Variants in SUGCT observed in about 807,000 individuals in gnomAD.
SUGCT encodes succinyl-CoA:glutarate CoA-transferase.
In SUGCT, 41 loss-of-function variants were observed where a neutral mutation model predicts 55.0. That is an observed-to-expected ratio of 0.74 (90% confidence interval 0.58 to 0.97). The LOEUF (loss-of-function observed/expected upper bound fraction) is 0.97, where lower values mean the gene tolerates loss of function less well. Among genes scored for constraint, SUGCT ranks in the 50% least tolerant of loss-of-function variants. The pLI is 0.00. For missense variants in SUGCT, 568 were observed against 547.8 expected, an observed-to-expected ratio of 1.04 and a Z score of -0.37; for synonymous variants, 187 against 200.4, an observed-to-expected ratio of 0.93 and a Z score of 0.56.
At chr7:40,922,818 T>C in the SUGCT span, among the ~76,000 whole-genome samples, 4 of 152,198 alleles carry the variant, frequency 2.6e-5, no homozygotes, top group African/African-American at 9.7e-5. Context: ...CCTTCAGACA[T>C]ATTTCTTTAC....
chr7:40,953,717 C>G, the SUGCT span, among the ~76,000 whole-genome samples: 1 of 152,224 alleles, frequency 6.6e-6, no homozygotes, highest in African/African-American at 2.4e-5. Flanking sequence ...TGGAGGTCCA[C>G]TCCAGACCCT....
intron 13 of SUGCT, among the ~76,000 whole-genome samples, chr7:40,795,430 T>C (rs1790503313): frequency 1.3e-5 from 2 of 152,110 alleles, no homozygotes; most frequent in Admixed American, 6.6e-5. Flanking sequence ...AAAGTTGGCT[T>C]CTCTCCTAAA....
the SUGCT span, among the ~76,000 whole-genome samples, chr7:40,922,281 G>A: frequency 6.6e-6 from 1 of 152,176 alleles, no homozygotes; most frequent in Non-Finnish European, 1.5e-5. Context: ...CAGGAAAGAG[G>A]TGATGTTGTT....
chr7:40,892,874 C>A, the SUGCT span, among the ~76,000 whole-genome samples: 510 of 152,224 alleles, frequency 3.4e-3, 3 homozygotes, highest in African/African-American at 0.012. Context: ...GACAGAATGG[C>A]TGAATAGATT....
intron 7 of SUGCT, among the ~76,000 whole-genome samples, chr7:40,244,180 A>G (rs1207580624): frequency 6.6e-6 from 1 of 152,186 alleles, no homozygotes; most frequent in African/African-American, 2.4e-5. Context: ...CTCAAAACAA[A>G]ACAAAATTAA....
the SUGCT span, among the ~76,000 whole-genome samples, chr7:40,981,757 T>C: frequency 2.0e-5 from 3 of 152,252 alleles, no homozygotes; most frequent in South Asian, 6.2e-4. Context: ...AACAAGGTTC[T>C]TTGCCATTTT....
At chr7:40,985,707 C>G in the SUGCT span, among the ~76,000 whole-genome samples, 2 of 152,194 alleles carry the variant, frequency 1.3e-5, no homozygotes, top group East Asian at 1.9e-4. Context: ...GTATATCATC[C>G]AAAAGTATTT....
intron 13 of SUGCT, among the ~76,000 whole-genome samples, chr7:40,790,085 C>T (rs1158217325): frequency 7.9e-5 from 12 of 152,296 alleles, no homozygotes; most frequent in Non-Finnish European, 1.0e-4. Context: ...AGTAAAACTT[C>T]GACATGGTTT....
intron 6 of SUGCT, among the ~76,000 whole-genome samples, chr7:40,223,990 T>G (rs1788186700): frequency 6.6e-6 from 1 of 152,224 alleles, no homozygotes; most frequent in African/African-American, 2.4e-5. Flanking sequence ...GTAGTGCTGC[T>G]ATTTGGAGTG....
At chr7:40,930,205 A>G in the SUGCT span, among the ~76,000 whole-genome samples, 2 of 152,178 alleles carry the variant, frequency 1.3e-5, no homozygotes, top group Admixed American at 1.3e-4. Flanking sequence ...TGTTTTTGTC[A>G]GGTTTGTCAA....
intron 13 of SUGCT, among the ~76,000 whole-genome samples, chr7:40,805,242 T>A (rs1356954948): frequency 6.6e-6 from 1 of 152,174 alleles, no homozygotes; most frequent in Non-Finnish European, 1.5e-5. Context: ...AGCTGGGTTC[T>A]GGGTGTACGC....
chr7:40,509,821 A>G (rs1426041853), intron 12 of SUGCT, among the ~76,000 whole-genome samples: 1 of 152,182 alleles, frequency 6.6e-6, no homozygotes, highest in Non-Finnish European at 1.5e-5. Flanking sequence ...TTACTTTTGA[A>G]TCCTCAAATA....
intron 8 of SUGCT, among the ~76,000 whole-genome samples, chr7:40,277,922 A>G (rs1339873355): frequency 6.6e-6 from 1 of 151,662 alleles, no homozygotes; most frequent in Non-Finnish European, 1.5e-5. Flanking sequence ...CCCATCTATG[A>G]GTGAGAACAT....
At chr7:40,250,399 T>C (rs994797183) in intron 7 of SUGCT, among the ~76,000 whole-genome samples, 3 of 114,006 alleles carry the variant, frequency 2.6e-5, no homozygotes, top group Non-Finnish European at 6.6e-5. Flanking sequence ...GATCTTGTCT[T>C]TTTTTTTTTT....
chr7:40,956,366 G>T, the SUGCT span, among the ~76,000 whole-genome samples: 4 of 152,150 alleles, frequency 2.6e-5, no homozygotes, highest in Non-Finnish European at 5.9e-5. Context: ...AAGGGTTTAT[G>T]TGTCTAGGAA....
intron 6 of SUGCT, among the ~76,000 whole-genome samples, chr7:40,217,058 A>G (rs1451636855): frequency 6.6e-6 from 1 of 151,724 alleles, no homozygotes; most frequent in Non-Finnish European, 1.5e-5. Flanking sequence ...TGGAGTCTGT[A>G]TCTGAATTTA....
intron 1 of SUGCT, among the ~76,000 whole-genome samples, chr7:40,151,101 G>T (rs754341184): frequency 6.6e-6 from 1 of 152,078 alleles, no homozygotes. Flanking sequence ...TTAGCTAGGC[G>T]TGGTGGCGTG....
intron 9 of SUGCT, among the ~76,000 whole-genome samples, chr7:40,435,160 C>T (rs537778958): frequency 6.6e-6 from 1 of 152,038 alleles, no homozygotes; most frequent in African/African-American, 2.4e-5. Flanking sequence ...AAAGGCTGAC[C>T]CTCTATGCTT....
chr7:40,395,729 T>A (rs1285522208), intron 9 of SUGCT, among the ~76,000 whole-genome samples: 3 of 152,130 alleles, frequency 2.0e-5, no homozygotes, highest in Admixed American at 1.3e-4. Context: ...ATGAGAGCAT[T>A]GAAGGAAAAC....
Sources: allele counts gnomAD v4.1 joint callset (sites outside exome capture counted in the v4.1 genomes callset), GRCh38; gene constraint gnomAD v4.1.1; transcripts MANE v1.5; gene names NCBI Gene and HGNC (gene_info 2026-07-23, HGNC 2026-07-21).